Variants in ZBTB45 observed in about 807,000 individuals in gnomAD.
The protein encoded by ZBTB45 is zinc finger and BTB domain containing 45, also known as zinc finger and BTB domain-containing protein 45.
ZBTB45 carries 22 observed loss-of-function variants against 28.4 expected under a neutral mutation model. That is an observed-to-expected ratio of 0.77 (90% CI 0.55 to 1.10). The LOEUF is 1.10. ZBTB45 is among the 50% of genes least tolerant of loss of function. ZBTB45 has a pLI of 0.00. For synonymous variants in ZBTB45, 361 were observed against 332.3 expected (o/e 1.09, Z -0.94); for missense variants, 656 against 750.2 (o/e 0.87, Z 1.47).
intron 1 of ZBTB45, chr19:58,519,418 A>G (rs2053557731): frequency 6.6e-6 from 1 of 152,412 alleles, no homozygotes; most frequent in Non-Finnish European, 1.5e-5. Flanking sequence ...CTTCAGAACA[A>G]AGGCCTGCAC....
At position 58,516,986 on chromosome 19, in the gene ZBTB45, C is replaced by T. The variant is rs887801169; in HGVS notation, c.688G>A (p.Glu230Lys). 10 of 1,613,114 alleles carry T rather than the reference C, an allele frequency of 6.2e-6. No homozygotes were observed. The highest frequency in any genetic ancestry group is 2.7e-5 in the African/African-American group (2 of 74,940). Residue 230 changes from glutamate (E) to lysine (K), a missense_variant, in exon 2 of 3, where the codon GAG becomes AAG. By Grantham distance (56) the Glu-to-Lys change is moderately conservative. This residue lies in a region of ZBTB45 where 448 missense variants were observed against 444.3 expected (regional missense o/e 1.01). Coordinates refer to ENST00000594051, the MANE Select transcript of ZBTB45 (RefSeq NM_001316979.2). This position sits in a 1 kb window ranked among gnomAD's most constrained non-coding sequence, Gnocchi z 6.2. ...GGGAAGGAAGGAGGTGCCTGGCCCT[C>T]GCCTGGGCCGCCACCTTCGCCATCC... The part of the protein sequence containing the change: ...GEDGEGGGPG[E>K]GQAPPSFPDC...
rs928595929 is a variant in ZBTB45 at position 58,519,741 on chromosome 19, C to G, written c.-1+1G>C. Reference sequence around the variant, plus strand: ...GCAGGGGGATGCCCATTCGACCCCACCTCCGACTCCTCTTCAGGCACCAGG... The same window carrying G: ...GCAGGGGGATGCCCATTCGACCCCAGCTCCGACTCCTCTTCAGGCACCAGG... On this transcript the variant is annotated splice_donor_variant, in intron 1 of 2. Coordinates refer to ENST00000594051, the MANE Select transcript of ZBTB45 (RefSeq NM_001316979.2). LOFTEE classifies it low-confidence loss of function (5UTR_SPLICE). 1 of 152,560 alleles carries G rather than the reference C, an allele frequency of 6.6e-6. No homozygotes were observed. The highest frequency in any genetic ancestry group is 1.5e-5 in the Non-Finnish European group (1 of 68,204). The allele number at this position is 152,560 out of a possible 1,614,324, so 9.5% of individuals were successfully genotyped here. A position where few individuals can be genotyped will look rare whatever the true frequency, so the allele number is the denominator to read the frequency against.
chr19:58,517,169 G>A lies in ZBTB45; in HGVS notation c.505C>T (p.His169Tyr), dbSNP rs1448921729. 1.9e-6 allele frequency: 3 copies of A among 1,609,972 alleles called. No individual in the cohort carries two copies. Among genetic ancestry groups the A allele is most frequent in the Non-Finnish European group, 2.5e-6 (3 of 1,178,460 alleles). ...GCGGGCTGGCGCTGCTTACGGCTGTGTGCAGCACCGGGGTGCCCCGGGGGA... is the reference window on the plus strand; with the variant it reads ...GCGGGCTGGCGCTGCTTACGGCTGTATGCAGCACCGGGGTGCCCCGGGGGA... Reference protein sequence around the residue: ...ARPPGHPGAAHSRKQRQPARL... With the variant: ...ARPPGHPGAAYSRKQRQPARL... Residue 169 changes from histidine (H) to tyrosine (Y), a missense_variant, in exon 2 of 3, where the codon CAC becomes TAC. Coordinates refer to ENST00000594051, the MANE Select transcript of ZBTB45 (RefSeq NM_001316979.2).
intron 1 of ZBTB45, among the ~76,000 whole-genome samples, chr19:58,528,952 C>A (rs907107944): frequency 6.6e-6 from 1 of 151,268 alleles, no homozygotes; most frequent in Admixed American, 6.6e-5. Flanking sequence ...GGTGTGGTGG[C>A]GCATGCCTGT....
chr19:58,522,058 C>A (rs186976857), upstream of ZBTB45, among the ~76,000 whole-genome samples: 106 of 152,070 alleles, frequency 7.0e-4, no homozygotes, highest in African/African-American at 2.5e-3. Flanking sequence ...CACAGTGGCT[C>A]ACACCTGTAA....
chr19:58,538,201 T>C (rs368767722), intron 1 of ZBTB45, among the ~76,000 whole-genome samples: 335 of 151,924 alleles, frequency 2.2e-3, no homozygotes, highest in African/African-American at 5.0e-3. Flanking sequence ...CAACTTTTTT[T>C]TTTTCTTTTC....
intron 1 of ZBTB45, among the ~76,000 whole-genome samples, chr19:58,534,815 CA>C (rs1231666044): frequency 6.6e-6 from 1 of 151,314 alleles, no homozygotes; most frequent in African/African-American, 2.4e-5. Context: ...CTCGGCCTGC[CA>C]AAGTGTTGGG....
At chr19:58,538,201 TTTTTCTTTTC>T (rs566372793) in intron 1 of ZBTB45, among the ~76,000 whole-genome samples, 27 of 151,924 alleles carry the variant, frequency 1.8e-4, no homozygotes, top group Admixed American at 8.5e-4. Context: ...CAACTTTTTT[TTTTTCTTTTC>T]TTTTCTTTTC....
chr19:58,517,107 C>A lies in ZBTB45; in HGVS notation c.567G>T (p.Lys189Asn), dbSNP rs1363716912. ...AGGGGTCAGCATCAGGCCCCTCAGC[C>A]TTGGCAGGTGTTGGGGGCGCTGGCA... ...LQLPAPPTPA[K>N]AEGPDADPSL... The change falls in exon 2 of 3, where the codon AAG (lysine) becomes AAT (asparagine). Residue 189 changes from lysine to asparagine, a missense_variant. Coordinates refer to ENST00000594051, the MANE Select transcript of ZBTB45 (RefSeq NM_001316979.2). 6.2e-7 allele frequency: 1 copy of A among 1,613,044 alleles called. No homozygotes were observed. The highest frequency in any genetic ancestry group is 8.5e-7 in the Non-Finnish European group (1 of 1,179,918).
chr19:58,524,401 ATATATG>A (rs1355023978), upstream of ZBTB45, among the ~76,000 whole-genome samples: 5 of 122,726 alleles, frequency 4.1e-5, no homozygotes, highest in East Asian at 3.3e-4. Context: ...GAATGTGTAT[ATATATG>A]TGTGTGTGTG....
chr19:58,530,896 G>A lies in ZBTB45; in HGVS notation c.-1+7805C>T, dbSNP rs530937192. ...GATGGGATTTCACTGTGTTAGCCAGGATGGTCTCGATCTCCCGACCTCATG... is the reference window on the plus strand; with the variant it reads ...GATGGGATTTCACTGTGTTAGCCAGAATGGTCTCGATCTCCCGACCTCATG... On this transcript the variant is annotated intron_variant, in intron 1 of 1. Transcript: ENST00000600130. Among the ~76,000 whole-genome samples, 37 of 152,136 alleles carry A rather than the reference G, an allele frequency of 2.4e-4. 1 individual carries two copies. In the South Asian group the frequency reaches 6.6e-3, roughly 27 times the overall value.
chr19:58,525,998 C>T (rs1037043016), intron 1 of ZBTB45, among the ~76,000 whole-genome samples: 10 of 152,148 alleles, frequency 6.6e-5, no homozygotes, highest in African/African-American at 2.4e-4. Flanking sequence ...GAGGCCGAGG[C>T]AGGCAGATCA....
intron 1 of ZBTB45, among the ~76,000 whole-genome samples, chr19:58,527,388 A>G (rs2053613468): frequency 6.6e-6 from 1 of 152,036 alleles, no homozygotes; most frequent in African/African-American, 2.4e-5. Context: ...GAACATCTCC[A>G]TCACCTCCAT....
intron 1 of ZBTB45, among the ~76,000 whole-genome samples, chr19:58,534,567 T>C (rs1211372669): frequency 6.7e-6 from 1 of 150,312 alleles, no homozygotes; most frequent in Non-Finnish European, 1.5e-5. Flanking sequence ...TTTTTTTTTT[T>C]TTTTTTTGAG....
rs1041847391 is a variant in ZBTB45 at position 58,516,361 on chromosome 19, A to C, written c.1279+34T>G. On this transcript the variant is annotated intron_variant, in intron 2 of 2. Transcript: ENST00000594051. The surrounding 1 kb of genome is among the most constrained non-coding windows in gnomAD (Gnocchi z 6.2). Reference sequence around the variant, plus strand: ...CCCTCAGGTTTAACTCTCCGATGAGAGATTGCTCCCTCTCCTCCCCCGCCC... The same window carrying C: ...CCCTCAGGTTTAACTCTCCGATGAGCGATTGCTCCCTCTCCTCCCCCGCCC... The C allele has an allele frequency of 2.5e-6, 4 of 1,612,782 alleles. No individual in the cohort carries two copies. In the African/African-American group the frequency reaches 5.3e-5, roughly 22 times the overall value.
chr19:58,535,532 G>C (rs1411148305), intron 1 of ZBTB45, among the ~76,000 whole-genome samples: 1 of 152,006 alleles, frequency 6.6e-6, no homozygotes, highest in Non-Finnish European at 1.5e-5. Flanking sequence ...CTACTCAGGA[G>C]GATCAGGCAG....
At chr19:58,522,876 G>T (rs575289699), upstream of ZBTB45, among the ~76,000 whole-genome samples, 4 of 152,172 alleles carry the variant, frequency 2.6e-5, no homozygotes, top group Non-Finnish European at 4.4e-5. Flanking sequence ...AGTGTGTTGA[G>T]GGGGGGAAGC....
At chr19:58,529,486 C>G (rs753133687) in intron 1 of ZBTB45, among the ~76,000 whole-genome samples, 4 of 152,160 alleles carry the variant, frequency 2.6e-5, no homozygotes, top group African/African-American at 4.8e-5. Flanking sequence ...CAATGGTGTA[C>G]AACCACCTCC....
At chr19:58,535,528 A>G (rs1234180630) in intron 1 of ZBTB45, among the ~76,000 whole-genome samples, 2 of 151,970 alleles carry the variant, frequency 1.3e-5, no homozygotes, top group African/African-American at 4.8e-5. Flanking sequence ...CCAGCTACTC[A>G]GGAGGATCAG....
Sources: allele counts gnomAD v4.1 joint callset (sites outside exome capture counted in the v4.1 genomes callset), GRCh38; gene constraint gnomAD v4.1.1; regional missense constraint gnomAD v4.1.1; non-coding constraint Gnocchi (gnomAD v3.1); transcripts MANE v1.5; gene names NCBI Gene and HGNC (gene_info 2026-07-23, HGNC 2026-07-21).